The following EMCN variants were observed in gnomAD, a reference collection of about 807,000 sequenced individuals.
EMCN encodes endomucin.
A neutral mutation model predicts 38.4 loss-of-function variants in EMCN; 37 were observed. The observed-to-expected ratio is 0.96, with a 90% CI of 0.74 to 1.27. The LOEUF is 1.27. Among genes scored for constraint, EMCN ranks in the 50% most tolerant of loss-of-function variants. The pLI is 0.00. For missense variants in EMCN, 318 were observed against 302.8 expected (o/e 1.05, Z -0.37); for synonymous variants, 95 against 100.8 (o/e 0.94, Z 0.35).
chr4:100,475,802 C>T (rs1201332850), intron 2 of EMCN, among the ~76,000 whole-genome samples: 4 of 150,966 alleles, frequency 2.6e-5, no homozygotes, highest in East Asian at 2.0e-4. Flanking sequence ...CTCAGCCTCC[C>T]GAGTAGATGG....
At position 100,458,122 on chromosome 4, in the gene EMCN, A is replaced by C. The variant is rs188176102; in HGVS notation, c.376+7301T>G. On this transcript the variant is annotated intron_variant, in intron 4 of 11. Transcript: ENST00000296420. ...CAGGGCAAGACCCTGTCAAAAAAAAAAAAGTGTTTCCTTCTCTTTATTTTT... is the reference window on the plus strand; with the variant it reads ...CAGGGCAAGACCCTGTCAAAAAAAACAAAGTGTTTCCTTCTCTTTATTTTT... 2.6e-3 allele frequency among the ~76,000 whole-genome samples: 402 copies of C among 152,272 alleles called. 2 individuals are homozygous for C. The highest frequency in any genetic ancestry group is 9.2e-3 in the African/African-American group (381 of 41,540).
chr4:100,498,141 G>T (rs1039426024), intron 1 of EMCN, among the ~76,000 whole-genome samples: 35 of 152,090 alleles, frequency 2.3e-4, no homozygotes, highest in Non-Finnish European at 5.9e-5. Flanking sequence ...GATTCCAAAA[G>T]GAGAAGGAAA....
intron 1 of EMCN, among the ~76,000 whole-genome samples, chr4:100,515,989 G>C (rs778967209): frequency 9.3e-5 from 12 of 128,954 alleles, no homozygotes; most frequent in Non-Finnish European, 1.7e-4. Context: ...AAGACAAATG[G>C]AGTAGGTTTG....
intron 11 of EMCN, among the ~76,000 whole-genome samples, chr4:100,399,925 C>G (rs924247467): frequency 6.6e-6 from 1 of 152,138 alleles, no homozygotes; most frequent in Non-Finnish European, 1.5e-5. Flanking sequence ...ACCCTCTACC[C>G]TCAAGAAGTC....
chr4:100,485,127 G>A (rs533261970), intron 1 of EMCN, among the ~76,000 whole-genome samples: 2 of 152,152 alleles, frequency 1.3e-5, no homozygotes, highest in East Asian at 1.9e-4. Context: ...AATGTCAAAT[G>A]CCCTATTATT....
rs1728599046 is a variant in EMCN at position 100,475,107 on chromosome 4, T to C, written c.190A>G (p.Thr64Ala). The C allele has an allele frequency of 1.4e-6, 2 of 1,472,268 alleles. No homozygotes were observed. The highest frequency in any genetic ancestry group is 1.8e-6 in the Non-Finnish European group (2 of 1,082,156). 91.2% of individuals were successfully genotyped at this position (1,472,268 alleles called of 1,614,324 possible). A position where few individuals can be genotyped will look rare whatever the true frequency, so the allele number is the denominator to read the frequency against. The stretch of plus-strand genomic sequence containing the variant: ...ATTTTAAGTAATTCATTGGTGATTG[T>C]TCCTAGTTTGATAAAATAGATTAAA... ...TPTTGTTPKG[T>A]ITNELLKMSL... Residue 64 changes from threonine to alanine, a missense_variant and splice_region_variant, in exon 3 of 12, where the codon ACA (threonine) becomes GCA (alanine). Transcript: ENST00000296420.
intron 10 of EMCN, among the ~76,000 whole-genome samples, chr4:100,413,269 T>G (rs551179414): frequency 6.6e-6 from 1 of 152,318 alleles, no homozygotes; most frequent in South Asian, 2.1e-4. Flanking sequence ...TTCTATCAAT[T>G]GTTTTCTGTA....
At chr4:100,513,001 G>GA (rs1490565188) in intron 1 of EMCN, among the ~76,000 whole-genome samples, 1 of 152,106 alleles carries the variant, frequency 6.6e-6, no homozygotes, top group Non-Finnish European at 1.5e-5. Context: ...CAATGAAAAG[G>GA]AAAGGATGGG....
At chr4:100,429,432 A>G (rs1387682103) in intron 5 of EMCN, among the ~76,000 whole-genome samples, 1 of 152,118 alleles carries the variant, frequency 6.6e-6, no homozygotes, top group South Asian at 2.1e-4. Flanking sequence ...CCTCCTGTCT[A>G]CTTCATAGGT....
intron 5 of EMCN, among the ~76,000 whole-genome samples, chr4:100,440,527 A>T (rs1483132379): frequency 6.6e-6 from 1 of 152,110 alleles, no homozygotes; most frequent in African/African-American, 2.4e-5. Flanking sequence ...CACTTAAAAT[A>T]ATGGCCTCCA....
At chr4:100,414,114 C>T (rs1411306115) in intron 10 of EMCN, among the ~76,000 whole-genome samples, 4 of 152,116 alleles carry the variant, frequency 2.6e-5, no homozygotes, top group Non-Finnish European at 5.9e-5. Context: ...CTGATCCCAG[C>T]ACCCTCCTCA....
At chr4:100,443,203 T>G (rs1727570803) in intron 5 of EMCN, among the ~76,000 whole-genome samples, 1 of 152,236 alleles carries the variant, frequency 6.6e-6, no homozygotes, top group African/African-American at 2.4e-5. Context: ...TGCTTCTTTG[T>G]CGCTAGTTAT....
At chr4:100,516,466 T>C (rs1344821195) in intron 1 of EMCN, among the ~76,000 whole-genome samples, 1 of 152,090 alleles carries the variant, frequency 6.6e-6, no homozygotes, top group East Asian at 1.9e-4. Flanking sequence ...ATATTTTCCA[T>C]GGGATTGAGA....
At chr4:100,502,081 A>G (rs1477290678) in intron 1 of EMCN, among the ~76,000 whole-genome samples, 1 of 152,224 alleles carries the variant, frequency 6.6e-6, no homozygotes, top group East Asian at 1.9e-4. Flanking sequence ...CTTCCTTTTC[A>G]TGGCAGGATG....
intron 1 of EMCN, among the ~76,000 whole-genome samples, chr4:100,503,702 C>T (rs1729407604): frequency 2.0e-5 from 3 of 152,106 alleles, no homozygotes; most frequent in Non-Finnish European, 1.5e-5. Context: ...CCTCAGGAAG[C>T]TGGGGTGGTA....
intron 11 of EMCN, among the ~76,000 whole-genome samples, chr4:100,409,621 G>A (rs1008186847): frequency 2.2e-4 from 34 of 152,334 alleles, no homozygotes; most frequent in Admixed American, 1.8e-3. Flanking sequence ...TACACAGCAA[G>A]ACTATGTCTA....
chr4:100,449,345 A>G lies in EMCN; in HGVS notation c.377-1774T>C, dbSNP rs375453150. Among the ~76,000 whole-genome samples, 13 of 152,222 alleles carry G rather than the reference A, an allele frequency of 8.5e-5. No homozygotes were observed. In the East Asian group the frequency reaches 1.7e-3, roughly 20 times the overall value. On this transcript the variant is annotated intron_variant, in intron 4 of 11. Coordinates refer to ENST00000296420, the MANE Select transcript of EMCN (RefSeq NM_016242.4). The stretch of plus-strand genomic sequence containing the variant: ...TGCAGATCTGTAAACATTAGCTGAG[A>G]GTAGTAAAATTAATTTCTTAAGGAA...
intron 1 of EMCN, among the ~76,000 whole-genome samples, chr4:100,498,517 G>A (rs995621560): frequency 3.3e-5 from 5 of 149,738 alleles, no homozygotes; most frequent in South Asian, 2.1e-4. Context: ...ACGGAGTCTC[G>A]CTCTGTCACC....
At chr4:100,472,406 A>ATATTT (rs1256844752) in intron 3 of EMCN, among the ~76,000 whole-genome samples, 1 of 152,050 alleles carries the variant, frequency 6.6e-6, no homozygotes, top group African/African-American at 2.4e-5. Context: ...AAATTTTACA[A>ATATTT]AAATAAGTTT....
Sources: gnomAD v4.1 joint callset for allele counts (sites outside exome capture counted in the v4.1 genomes callset) on GRCh38, gnomAD v4.1.1 for gene constraint, MANE v1.5 for transcripts, NCBI Gene and HGNC (gene_info 2026-07-23, HGNC 2026-07-21) for gene names.